The following CDH11 variants were observed in gnomAD, a reference collection of about 807,000 sequenced individuals.
CDH11 encodes the protein cadherin-11.
CDH11 carries 11 observed loss-of-function variants against 67.8 expected under a neutral mutation model. The ratio of observed to expected loss-of-function variants is 0.16; its 90% CI spans 0.10 to 0.27. The LOEUF (loss-of-function observed/expected upper bound fraction) is 0.27, where lower values mean the gene tolerates loss of function less well. CDH11 is among the 10% of genes least tolerant of loss of function. The pLI is 1.00. For missense variants in CDH11, 847 were observed against 1,031.2 expected (o/e 0.82, Z 2.45); for synonymous variants, 419 against 400.0 (o/e 1.05, Z -0.57).
At chr16:65,028,776 C>T (rs1404503642) in intron 2 of CDH11, among the ~76,000 whole-genome samples, 2 of 152,136 alleles carry the variant, frequency 1.3e-5, no homozygotes, top group Non-Finnish European at 2.9e-5. Context: ...CAGAATATCC[C>T]ACTACATGGA....
At position 65,036,466 on chromosome 16, in the gene CDH11, T is replaced by C. The variant is rs72790890; in HGVS notation, c.-173+17338A>G. ...AGACTGTAGTTTGCAAATAAAGAGA[T>C]TGACTTTGTGAAAATGCCAGAACTC... On this transcript the variant is annotated intron_variant, in intron 2 of 12. Coordinates refer to ENST00000268603, the MANE Select transcript of CDH11 (RefSeq NM_001797.4). Among the ~76,000 whole-genome samples the C allele has an allele frequency of 5.2e-3, 796 of 152,226 alleles. 1 individual carries two copies. The highest frequency in any genetic ancestry group is 8.3e-3 in the Non-Finnish European group (566 of 68,016).
chr16:65,119,986 A>C (rs927243672), intron 1 of CDH11, among the ~76,000 whole-genome samples: 6 of 152,154 alleles, frequency 3.9e-5, no homozygotes, highest in African/African-American at 1.4e-4. Context: ...GGAATCAGAG[A>C]TTACATTTAA....
intron 7 of CDH11, chr16:64,985,096 C>T (rs1052311278): frequency 6.6e-6 from 1 of 152,008 alleles, no homozygotes; most frequent in Non-Finnish European, 1.5e-5. Context: ...TTGGATTTTC[C>T]CCTCTAAGTC....
intron 2 of CDH11, among the ~76,000 whole-genome samples, chr16:65,044,733 G>A (rs1172538209): frequency 6.6e-6 from 1 of 152,128 alleles, no homozygotes; most frequent in East Asian, 1.9e-4. Context: ...GAGTTAAATG[G>A]GAGGGAGGGG....
chr16:65,044,292 C>A (rs1052661305), intron 2 of CDH11, among the ~76,000 whole-genome samples: 1 of 152,160 alleles, frequency 6.6e-6, no homozygotes, highest in African/African-American at 2.4e-5. Flanking sequence ...GGTAACCCAG[C>A]AACATCAGTG....
chr16:65,096,363 T>G (rs2074890391), intron 1 of CDH11, among the ~76,000 whole-genome samples: 1 of 151,780 alleles, frequency 6.6e-6, no homozygotes, highest in Non-Finnish European at 1.5e-5. Context: ...GACTACTATA[T>G]GCTAAAATTG....
At chr16:65,089,556 AT>A (rs894192035) in intron 1 of CDH11, among the ~76,000 whole-genome samples, 22 of 152,184 alleles carry the variant, frequency 1.4e-4, no homozygotes, top group African/African-American at 5.3e-4. Context: ...TTAAAAAAAA[AT>A]AAAGGATGTG....
At chr16:65,120,967 G>A (rs1469965111) in intron 1 of CDH11, among the ~76,000 whole-genome samples, 2 of 152,208 alleles carry the variant, frequency 1.3e-5, no homozygotes, top group Middle Eastern at 3.2e-3. Flanking sequence ...GCTTCTCAGT[G>A]CTTCCCACCT....
chr16:64,951,046 C>A (rs971498235), intron 11 of CDH11, 28 bp from the exon 12 acceptor site: 8 of 1,602,734 alleles, frequency 5.0e-6, no homozygotes, highest in African/African-American at 1.3e-5. Flanking sequence ...ACAGGCCGTG[C>A]GCCCAGTCAA....
intron 2 of CDH11, among the ~76,000 whole-genome samples, chr16:65,021,553 A>AAT (rs2073423476): frequency 1.0e-5 from 1 of 99,706 alleles, no homozygotes; most frequent in South Asian, 3.9e-4. Flanking sequence ...AAGCCATTTA[A>AAT]ATACACACAC....
chr16:65,096,409 GTGTGTGT>G (rs2074892963), intron 1 of CDH11, among the ~76,000 whole-genome samples: 12 of 74,174 alleles, frequency 1.6e-4, no homozygotes, highest in Admixed American at 5.3e-4. Flanking sequence ...CTTTCGGGGT[GTGTGTGT>G]GTGTGTGTGT....
intron 1 of CDH11, among the ~76,000 whole-genome samples, chr16:65,117,604 C>G (rs144299760): frequency 5.3e-5 from 8 of 152,278 alleles, no homozygotes; most frequent in African/African-American, 1.9e-4. Context: ...TTAAAAGAAA[C>G]AGTAAAACAT....
intron 12 of CDH11, among the ~76,000 whole-genome samples, chr16:64,949,872 TC>T (rs2071309822): frequency 6.6e-6 from 1 of 152,248 alleles, no homozygotes; most frequent in South Asian, 2.1e-4. Flanking sequence ...CTTCTCTTTA[TC>T]CCCCAGGACC....
chr16:65,001,329 T>C (rs1259934536), intron 3 of CDH11, among the ~76,000 whole-genome samples: 1 of 152,252 alleles, frequency 6.6e-6, no homozygotes, highest in Non-Finnish European at 1.5e-5. Flanking sequence ...ACAAAGCTGT[T>C]TGATGGCCTA....
chr16:64,984,851 C>T (rs999473623), intron 7 of CDH11: 1 of 152,022 alleles, frequency 6.6e-6, no homozygotes, highest in Non-Finnish European at 1.5e-5. Flanking sequence ...TGATTGCAAC[C>T]GTGTTAAATG....
chr16:65,070,515 C>T (rs2074397564), intron 1 of CDH11, among the ~76,000 whole-genome samples: 1 of 152,170 alleles, frequency 6.6e-6, no homozygotes, highest in Non-Finnish European at 1.5e-5. Flanking sequence ...GACAAACTCA[C>T]AGCATTGCCC....
chr16:65,108,125 G>A (rs2075096405), intron 1 of CDH11, among the ~76,000 whole-genome samples: 1 of 152,188 alleles, frequency 6.6e-6, no homozygotes, highest in South Asian at 2.1e-4. Flanking sequence ...TGCTTTTCTG[G>A]CTTGCGATAC....
chr16:64,953,413 C>A (rs1367958720), intron 11 of CDH11, among the ~76,000 whole-genome samples: 3 of 151,962 alleles, frequency 2.0e-5, no homozygotes, highest in East Asian at 1.9e-4. Context: ...ATGACCAATT[C>A]TCTGTCCTTC....
chr16:65,102,720 A>G (rs906565263), intron 1 of CDH11, among the ~76,000 whole-genome samples: 8 of 152,186 alleles, frequency 5.3e-5, no homozygotes, highest in African/African-American at 1.7e-4. Context: ...TGTGTCAATG[A>G]TAGCTCACCC....
Sources: allele counts gnomAD v4.1 joint callset (sites outside exome capture counted in the v4.1 genomes callset), GRCh38; gene constraint gnomAD v4.1.1; transcripts MANE v1.5; gene names NCBI Gene and HGNC (gene_info 2026-07-23, HGNC 2026-07-21).